Variants in KATNAL2 observed in about 807,000 individuals in gnomAD.
KATNAL2 encodes the protein katanin catalytic subunit A1 like 2, also known as katanin p60 ATPase-containing subunit A-like 2.
In KATNAL2, 52 loss-of-function variants were observed where a neutral mutation model predicts 76.3. The ratio of observed to expected loss-of-function variants is 0.68; its 90% CI spans 0.55 to 0.86. KATNAL2 has a LOEUF of 0.86. KATNAL2 is among the 40% of genes least tolerant of loss of function. The pLI is 0.00. For synonymous variants in KATNAL2, 243 were observed against 244.2 expected (o/e 1.00, Z 0.05); for missense variants, 660 against 668.9 (o/e 0.99, Z 0.15).
intron 3 of KATNAL2, among the ~76,000 whole-genome samples, chr18:47,040,248 T>C (rs1017635224): frequency 6.6e-6 from 1 of 152,276 alleles, no homozygotes; most frequent in Admixed American, 6.5e-5. Flanking sequence ...ATTCATTTAT[T>C]ACTCTGTTAG....
intron 3 of KATNAL2, chr18:47,034,715 G>A (rs2060676621): frequency 6.2e-7 from 1 of 1,612,992 alleles, no homozygotes; most frequent in East Asian, 2.2e-5. Context: ...GCGGGCTCAG[G>A]GCCCTCGGGC....
chr18:47,082,870 G>A (rs140463177), intron 15 of KATNAL2, among the ~76,000 whole-genome samples: 3 of 152,260 alleles, frequency 2.0e-5, no homozygotes, highest in South Asian at 4.1e-4. Flanking sequence ...GTTTCCCCCC[G>A]CAGAGGTTGT....
At chr18:47,083,313 T>C (rs1330096694) in intron 15 of KATNAL2, among the ~76,000 whole-genome samples, 3 of 152,230 alleles carry the variant, frequency 2.0e-5, no homozygotes, top group Non-Finnish European at 2.9e-5. Flanking sequence ...AGTAGACTTA[T>C]CTGATTCAAG....
At chr18:47,089,168 C>G (rs1479509890) in intron 15 of KATNAL2, among the ~76,000 whole-genome samples, 1 of 152,206 alleles carries the variant, frequency 6.6e-6, no homozygotes, top group African/African-American at 2.4e-5. Context: ...CCTAATCAGC[C>G]ATAGCTTCAA....
chr18:47,100,821 C>T (rs779852176), intron 17 of KATNAL2, 45 bp from the exon 18 acceptor site: 1 of 1,611,004 alleles, frequency 6.2e-7, no homozygotes, highest in East Asian at 2.2e-5. Context: ...CATTGATCAC[C>T]AAGAGGTCGA....
Position 47,099,289 on chromosome 18 carries a change from G to A in KATNAL2, c.1258G>A (p.Val420Ile). The A allele has an allele frequency of 6.2e-7, 1 of 1,614,100 alleles. No individual in the cohort carries two copies. The highest frequency in any genetic ancestry group is 8.5e-7 in the Non-Finnish European group (1 of 1,179,972). ...ACGCCGCCTGGAGAAGAGGATTCTG[G>A]TCGATCTCCCCAGCCGGGAGGCCAG... is the stretch of plus-strand genomic sequence containing the variant. ...MLRRLEKRIL[V>I]DLPSREARQA... is the part of the protein sequence containing the mutation. The change falls in exon 16 of 18, where the codon GTC (valine) becomes ATC (isoleucine). Residue 420 changes from valine (V) to isoleucine (I), a missense_variant. Coordinates refer to ENST00000683218, the MANE Select transcript of KATNAL2 (RefSeq NM_001387690.1).
At chr18:47,083,123 A>C (rs2062608465) in intron 15 of KATNAL2, among the ~76,000 whole-genome samples, 1 of 152,162 alleles carries the variant, frequency 6.6e-6, no homozygotes, top group Admixed American at 6.5e-5. Context: ...TCTTTGACTA[A>C]AGTTCTGGTT....
chr18:46,931,723 AAGAG>A (rs1219340493), intron 1 of KATNAL2, among the ~76,000 whole-genome samples: 10 of 151,412 alleles, frequency 6.6e-5, no homozygotes, highest in Admixed American at 1.3e-4. Context: ...AGAGAGAAAA[AAGAG>A]AGAGAGAGGG....
At chr18:46,927,358 G>T (rs1387598767) in intron 1 of KATNAL2, among the ~76,000 whole-genome samples, 1 of 152,062 alleles carries the variant, frequency 6.6e-6, no homozygotes, top group Non-Finnish European at 1.5e-5. Flanking sequence ...TAGTTTGGCT[G>T]GATATGAGAT....
intron 3 of KATNAL2, among the ~76,000 whole-genome samples, chr18:46,951,593 T>C (rs1269914959): frequency 6.6e-6 from 1 of 151,972 alleles, no homozygotes; most frequent in Non-Finnish European, 1.5e-5. Context: ...TCTTGCCCTA[T>C]ATCCCTCTTG....
chr18:47,041,660 A>G (rs1380212691), intron 3 of KATNAL2, among the ~76,000 whole-genome samples: 1 of 152,224 alleles, frequency 6.6e-6, no homozygotes, highest in Admixed American at 6.5e-5. Flanking sequence ...GCTGCTATAA[A>G]CATCCCTGTG....
intron 11 of KATNAL2, among the ~76,000 whole-genome samples, chr18:47,068,355 T>C (rs1034365095): frequency 6.6e-6 from 1 of 152,212 alleles, no homozygotes; most frequent in Non-Finnish European, 1.5e-5. Flanking sequence ...ATCAATACAT[T>C]TGGATTCTCT....
At chr18:47,049,910 T>A (rs1316158224) in intron 4 of KATNAL2, among the ~76,000 whole-genome samples, 1 of 152,204 alleles carries the variant, frequency 6.6e-6, no homozygotes, top group African/African-American at 2.4e-5. Context: ...TTCATTTATT[T>A]TTGGTAAAGA....
intron 8 of KATNAL2, 30 bp downstream of exon 8, chr18:47,059,684 A>C: frequency 7.2e-7 from 1 of 1,383,758 alleles, no homozygotes; most frequent in Non-Finnish European, 1.0e-6. Context: ...CTAACACTGA[A>C]AGTGGTAATT....
At chr18:46,931,104 A>AATG (rs2058898982) in intron 1 of KATNAL2, among the ~76,000 whole-genome samples, 1 of 15,038 alleles carries the variant, frequency 6.6e-5, no homozygotes, top group Non-Finnish European at 2.3e-4. Context: ...CGTCTCAGGA[A>AATG]ATAATAATAA....
At chr18:46,949,854 C>T (rs915915701) in intron 3 of KATNAL2, among the ~76,000 whole-genome samples, 27 of 152,098 alleles carry the variant, frequency 1.8e-4, no homozygotes, top group South Asian at 4.1e-4. Flanking sequence ...AGCTATTACC[C>T]CTTGGTTTTT....
chr18:47,092,880 A>AT (rs1192271497), intron 15 of KATNAL2, among the ~76,000 whole-genome samples: 5 of 151,368 alleles, frequency 3.3e-5, no homozygotes, highest in Admixed American at 6.6e-5. Context: ...ATGGGAGGTA[A>AT]TTTTTTTTTA....
intron 15 of KATNAL2, among the ~76,000 whole-genome samples, chr18:47,092,431 A>G (rs557741344): frequency 1.3e-5 from 2 of 152,262 alleles, no homozygotes; most frequent in South Asian, 2.1e-4. Context: ...CCTGGGAGGT[A>G]GAGGTTGCAG....
intron 15 of KATNAL2, among the ~76,000 whole-genome samples, chr18:47,084,151 ACTT>A (rs2062655650): frequency 6.6e-6 from 1 of 152,194 alleles, no homozygotes; most frequent in African/African-American, 2.4e-5. Flanking sequence ...GGTGACTTCA[ACTT>A]CTTTTTTCAG....
Sources: gnomAD v4.1 joint callset for allele counts (sites outside exome capture counted in the v4.1 genomes callset) on GRCh38, gnomAD v4.1.1 for gene constraint, MANE v1.5 for transcripts, NCBI Gene and HGNC (gene_info 2026-07-23, HGNC 2026-07-21) for gene names.